The following VWC2L variants were observed in gnomAD, a reference collection of about 807,000 sequenced individuals.
The protein encoded by VWC2L is von Willebrand factor C domain containing 2 like, also known as von Willebrand factor C domain-containing protein 2-like.
In VWC2L, 10 loss-of-function variants were observed where a neutral mutation model predicts 21.6. The observed-to-expected ratio is 0.46, with a 90% CI of 0.29 to 0.78. The LOEUF (loss-of-function observed/expected upper bound fraction) is 0.78. VWC2L is among the 30% of genes least tolerant of loss of function. VWC2L has a pLI of 0.10. For synonymous variants in VWC2L, 96 were observed against 94.3 expected (o/e 1.02, Z -0.10); for missense variants, 209 against 277.1 (o/e 0.75, Z 1.74).
intron 2 of VWC2L, among the ~76,000 whole-genome samples, chr2:214,433,404 T>C (rs1702633054): frequency 6.6e-6 from 1 of 152,048 alleles, no homozygotes; most frequent in South Asian, 2.1e-4. Context: ...AGCCATGTAC[T>C]ACTCATAATT....
At chr2:214,435,259 C>A (rs1292304508) in intron 2 of VWC2L, among the ~76,000 whole-genome samples, 1 of 152,076 alleles carries the variant, frequency 6.6e-6, no homozygotes, top group Non-Finnish European at 1.5e-5. Context: ...CTTGAGAATG[C>A]AATAGATTTC....
chr2:214,432,430 G>C (rs2126176951), intron 2 of VWC2L, among the ~76,000 whole-genome samples: 1 of 152,284 alleles, frequency 6.6e-6, no homozygotes. Context: ...TGAGTCATCA[G>C]GGAATACCTC....
intron 3 of VWC2L, among the ~76,000 whole-genome samples, chr2:214,476,090 G>A (rs948208703): frequency 6.6e-6 from 1 of 152,140 alleles, no homozygotes; most frequent in Non-Finnish European, 1.5e-5. Flanking sequence ...TTTCTCATGT[G>A]TTATCCAGGA....
chr2:214,430,164 GA>G (rs1702578848), intron 2 of VWC2L, among the ~76,000 whole-genome samples: 1 of 151,872 alleles, frequency 6.6e-6, no homozygotes, highest in Non-Finnish European at 1.5e-5. Flanking sequence ...ATAGAACATT[GA>G]TAAAATGTCA....
chr2:214,433,716 G>A (rs1322863806), intron 2 of VWC2L, among the ~76,000 whole-genome samples: 1 of 152,174 alleles, frequency 6.6e-6, no homozygotes, highest in African/African-American at 2.4e-5. Flanking sequence ...GTAACTTATT[G>A]CTGTTCAAGC....
rs541618819 is a variant in VWC2L, at chr2:214,469,044, TATAAAA to T, written c.520+32291_520+32296del. Among the ~76,000 whole-genome samples the T allele has an allele frequency of 1.7e-4, 26 of 151,702 alleles. No homozygotes were observed. In the South Asian group the frequency reaches 4.2e-3, roughly 25 times the overall value. ...TAAATAAGCACATAAATACTTTCAG[TATAAAA>T]ATAATCATTTTTAAAACTTCTTTGT... On this transcript the variant is annotated intron_variant, in intron 3 of 3. Transcript: ENST00000312504.
At chr2:214,505,675 T>A (rs1688957722) in intron 3 of VWC2L, among the ~76,000 whole-genome samples, 1 of 152,200 alleles carries the variant, frequency 6.6e-6, no homozygotes, top group Non-Finnish European at 1.5e-5. Context: ...AAGAAAATTT[T>A]AACTGTCTTA....
intron 3 of VWC2L, among the ~76,000 whole-genome samples, chr2:214,494,438 T>C (rs1688784838): frequency 6.6e-6 from 1 of 152,144 alleles, no homozygotes; most frequent in Non-Finnish European, 1.5e-5. Context: ...AGCAGCAAAG[T>C]AAACAAGGAG....
At chr2:214,416,449 T>C (rs1263737268) in intron 2 of VWC2L, among the ~76,000 whole-genome samples, 3 of 152,040 alleles carry the variant, frequency 2.0e-5, no homozygotes, top group African/African-American at 7.2e-5. Context: ...GTCATAAAAT[T>C]TTTGATGTGA....
chr2:214,509,561 G>A (rs1382584485), intron 3 of VWC2L, among the ~76,000 whole-genome samples: 1 of 152,130 alleles, frequency 6.6e-6, no homozygotes, highest in Admixed American at 6.5e-5. Flanking sequence ...AGTGGGAGTA[G>A]AGGGTAAGAG....
At chr2:214,479,927 T>C (rs771868859) in intron 3 of VWC2L, among the ~76,000 whole-genome samples, 1 of 152,214 alleles carries the variant, frequency 6.6e-6, no homozygotes, top group East Asian at 1.9e-4. Context: ...CCAATGATGA[T>C]TGAAAATGTA....
chr2:214,429,155 A>G (rs544793500), intron 2 of VWC2L, among the ~76,000 whole-genome samples: 38 of 152,330 alleles, frequency 2.5e-4, no homozygotes, highest in Middle Eastern at 3.4e-3. Flanking sequence ...GATATCAACA[A>G]TCTCTCCTTT....
chr2:214,519,243 T>C (rs1264833321), intron 3 of VWC2L, among the ~76,000 whole-genome samples: 1 of 152,166 alleles, frequency 6.6e-6, no homozygotes, highest in African/African-American at 2.4e-5. Context: ...CTTACCCATG[T>C]ACTGCTGCTC....
In VWC2L at chr2:214,577,482, G is replaced by A. The variant is rs1027493108; in HGVS notation, c.*1662G>A. 2 of 152,146 alleles carry A rather than the reference G, an allele frequency of 1.3e-5. No homozygotes were observed. The highest frequency in any genetic ancestry group is 2.9e-5 in the Non-Finnish European group (2 of 68,084). 9.4% of individuals were successfully genotyped at this position (152,146 alleles called of 1,614,324 possible). ...ATGTCCCTAAGGAGTGGGAGTGAGG[G>A]GCCTAATTTCACCTCGTTGAGAACC... On this transcript the variant is annotated 3_prime_UTR_variant, in exon 4 of 4. Coordinates refer to ENST00000312504, the MANE Select transcript of VWC2L (RefSeq NM_001080500.4).
At chr2:214,477,847 G>C (rs1427684619) in intron 3 of VWC2L, among the ~76,000 whole-genome samples, 3 of 152,176 alleles carry the variant, frequency 2.0e-5, no homozygotes, top group Non-Finnish European at 4.4e-5. Flanking sequence ...AGGAAAAACA[G>C]CTGTTTTAAA....
chr2:214,440,556 G>A (rs1702750771), intron 3 of VWC2L, among the ~76,000 whole-genome samples: 1 of 151,998 alleles, frequency 6.6e-6, no homozygotes. Context: ...TTATGGTTTG[G>A]AATGTCACGG....
intron 3 of VWC2L, among the ~76,000 whole-genome samples, chr2:214,445,521 TGTAC>T (rs1429548049): frequency 2.6e-5 from 4 of 151,670 alleles, no homozygotes; most frequent in Non-Finnish European, 5.9e-5. Flanking sequence ...TATGTATGTA[TGTAC>T]ATATATACAT....
In VWC2L at chr2:214,463,145, T is replaced by C. The variant is rs1041070982; in HGVS notation, c.520+26387T>C. On this transcript the variant is annotated intron_variant, in intron 3 of 3. Coordinates refer to ENST00000312504, the MANE Select transcript of VWC2L (RefSeq NM_001080500.4). ...TCAATTAAGTCAAGATGATGAATAG[T>C]ATTGTTCAAAATTTACATATTCTTA... 6.4e-4 allele frequency among the ~76,000 whole-genome samples: 97 copies of C among 152,206 alleles called. 5 individuals are homozygous for C. The highest frequency in any genetic ancestry group is 4.4e-5 in the Non-Finnish European group (3 of 68,010).
At chr2:214,415,936 G>C (rs1702347893) in intron 2 of VWC2L, among the ~76,000 whole-genome samples, 1 of 152,058 alleles carries the variant, frequency 6.6e-6, no homozygotes, top group Admixed American at 6.6e-5. Context: ...GTTGAGAGTA[G>C]AGTACATTTA....
Sources: allele counts gnomAD v4.1 joint callset (sites outside exome capture counted in the v4.1 genomes callset), GRCh38; gene constraint gnomAD v4.1.1; transcripts MANE v1.5; gene names NCBI Gene and HGNC (gene_info 2026-07-23, HGNC 2026-07-21).